The following SGCZ variants were observed in gnomAD, a reference collection of about 807,000 sequenced individuals.
SGCZ encodes the protein sarcoglycan zeta.
Under a neutral mutation model 41.3 loss-of-function variants are expected in SGCZ, and 40 were observed. That is an observed-to-expected ratio of 0.97 (90% CI 0.75 to 1.26). SGCZ has a LOEUF of 1.26. Among genes scored for constraint, SGCZ ranks in the 50% most tolerant of loss-of-function variants. The pLI is 0.00. For synonymous variants in SGCZ, 206 were observed against 137.5 expected (o/e 1.50, Z -3.49); for missense variants, 552 against 369.8 (o/e 1.49, Z -4.04).
intron 1 of SGCZ, among the ~76,000 whole-genome samples, chr8:15,060,979 T>C (rs1333367858): frequency 6.6e-6 from 1 of 152,166 alleles, no homozygotes; most frequent in African/African-American, 2.4e-5. Context: ...ACAAAAGATA[T>C]GGGTTTCCTC....
intron 1 of SGCZ, among the ~76,000 whole-genome samples, chr8:14,611,366 G>C (rs1465469572): frequency 6.6e-6 from 1 of 152,000 alleles, no homozygotes; most frequent in Admixed American, 6.6e-5. Flanking sequence ...AATAGATTGT[G>C]GAATTGTTTC....
At chr8:14,461,726 A>T (rs188180854) in intron 2 of SGCZ, among the ~76,000 whole-genome samples, 2 of 152,220 alleles carry the variant, frequency 1.3e-5, no homozygotes, top group East Asian at 3.9e-4. Context: ...TACAAAAATA[A>T]CTTACATGTC....
intron 1 of SGCZ, among the ~76,000 whole-genome samples, chr8:14,580,088 T>C (rs1804838028): frequency 6.6e-6 from 1 of 152,100 alleles, no homozygotes; most frequent in Non-Finnish European, 1.5e-5. Context: ...AAAGACAGTA[T>C]GAAGGAAAGG....
intron 1 of SGCZ, among the ~76,000 whole-genome samples, chr8:14,828,915 C>G (rs1310554185): frequency 1.3e-5 from 2 of 152,130 alleles, no homozygotes; most frequent in African/African-American, 2.4e-5. Context: ...AATTAGTAGA[C>G]ATCCATCTTA....
rs1798966707 is a variant in SGCZ, at chr8:14,734,452, A to G, written c.40-179526T>C. ...GCATTTGCCCCGAAACTTTTATAAC[A>G]AAGTTTGTCTTTTTATACCTTCAAA... is the stretch of plus-strand genomic sequence containing the variant. On this transcript the variant is annotated intron_variant, in intron 1 of 7. Transcript: ENST00000382080. Among the ~76,000 whole-genome samples the G allele has an allele frequency of 2.0e-5, 3 of 152,336 alleles. No individual in the cohort carries two copies. In the South Asian group the frequency reaches 6.2e-4, roughly 32 times the overall value.
intron 2 of SGCZ, among the ~76,000 whole-genome samples, chr8:14,351,980 C>A (rs1803114632): frequency 6.6e-6 from 1 of 152,004 alleles, no homozygotes; most frequent in Non-Finnish European, 1.5e-5. Context: ...CCTCGATGTC[C>A]TTTTACAATT....
chr8:14,129,450 GA>G (rs1427220875), intron 5 of SGCZ, among the ~76,000 whole-genome samples: 1 of 133,262 alleles, frequency 7.5e-6, no homozygotes, highest in African/African-American at 2.7e-5. Flanking sequence ...TAAACATGTA[GA>G]AATTAAACAA....
At chr8:14,269,782 G>A (rs1205881273) in intron 3 of SGCZ, among the ~76,000 whole-genome samples, 3 of 152,158 alleles carry the variant, frequency 2.0e-5, no homozygotes, top group Non-Finnish European at 4.4e-5. Flanking sequence ...GGACACTGCT[G>A]TGGGGTCAGC....
Position 14,087,040 on chromosome 8 carries a change from T to C in SGCZ, c.*3403A>G, listed in dbSNP as rs1585120843. Among the ~76,000 whole-genome samples, 1 of 151,384 alleles carries C rather than the reference T, an allele frequency of 6.6e-6. No homozygotes were observed. The highest frequency in any genetic ancestry group is 2.4e-5 in the African/African-American group (1 of 41,376). On this transcript the variant is annotated 3_prime_UTR_variant, in exon 8 of 8. Transcript: ENST00000382080. ...GCCAGGGGCAGAACTAGAACTGGAA[T>C]TGCTGGCTCCATTTTCCGAGATTTG...
intron 3 of SGCZ, among the ~76,000 whole-genome samples, chr8:14,256,499 C>G (rs1799469650): frequency 6.7e-6 from 1 of 149,346 alleles, no homozygotes; most frequent in Admixed American, 6.7e-5. Flanking sequence ...TATTAAATCC[C>G]TCATATACAT....
intron 3 of SGCZ, among the ~76,000 whole-genome samples, chr8:14,263,919 C>G (rs1563220991): frequency 6.6e-6 from 1 of 152,208 alleles, no homozygotes; most frequent in African/African-American, 2.4e-5. Flanking sequence ...CCGTGCCAGG[C>G]CTACCAGGGT....
intron 1 of SGCZ, among the ~76,000 whole-genome samples, chr8:14,640,672 G>GTA (rs1554471242): frequency 7.4e-4 from 84 of 113,792 alleles, no homozygotes; most frequent in African/African-American, 2.0e-3. Context: ...GTGTGTGTGT[G>GTA]TATATATTTG....
chr8:14,211,631 G>T (rs568162431), intron 4 of SGCZ, among the ~76,000 whole-genome samples: 14 of 151,374 alleles, frequency 9.2e-5, no homozygotes, highest in South Asian at 2.1e-4. Context: ...AGGGAAGCAC[G>T]TCTTACCACA....
intron 3 of SGCZ, among the ~76,000 whole-genome samples, chr8:14,240,266 T>C (rs910172664): frequency 2.1e-5 from 3 of 145,874 alleles, no homozygotes; most frequent in African/African-American, 7.7e-5. Context: ...AGGTGGAGGA[T>C]TCAGTGAGCC....
chr8:14,190,458 C>T (rs1299638778), intron 4 of SGCZ, among the ~76,000 whole-genome samples: 1 of 151,708 alleles, frequency 6.6e-6, no homozygotes, highest in African/African-American at 2.4e-5. Context: ...CAGACACTTC[C>T]AATGTTTTAA....
chr8:14,115,967 A>C (rs560345725), intron 5 of SGCZ, among the ~76,000 whole-genome samples: 4 of 152,068 alleles, frequency 2.6e-5, no homozygotes, highest in Non-Finnish European at 5.9e-5. Flanking sequence ...GGTCATACCG[A>C]CCATTACCAA....
At chr8:14,967,028 G>C (rs1332608087) in intron 1 of SGCZ, among the ~76,000 whole-genome samples, 1 of 152,020 alleles carries the variant, frequency 6.6e-6, no homozygotes, top group Non-Finnish European at 1.5e-5. Context: ...TGTATGCCAG[G>C]CACTGTGTTA....
At chr8:14,490,518 C>G (rs1371461492) in intron 2 of SGCZ, among the ~76,000 whole-genome samples, 1 of 152,188 alleles carries the variant, frequency 6.6e-6, no homozygotes, top group Non-Finnish European at 1.5e-5. Flanking sequence ...TTCTCATCCC[C>G]TTACTCTTAA....
chr8:14,291,651 A>T (rs1044172047), intron 3 of SGCZ, among the ~76,000 whole-genome samples: 1 of 147,310 alleles, frequency 6.8e-6, no homozygotes, highest in African/African-American at 2.5e-5. Flanking sequence ...AGACAAAAAA[A>T]TAAAAAGTTC....
Sources: gnomAD v4.1 joint callset for allele counts (sites outside exome capture counted in the v4.1 genomes callset) on GRCh38, gnomAD v4.1.1 for gene constraint, MANE v1.5 for transcripts, NCBI Gene and HGNC (gene_info 2026-07-23, HGNC 2026-07-21) for gene names.